The following CELSR1 variants were observed in gnomAD, a reference collection of about 807,000 sequenced individuals.
The protein encoded by CELSR1 is adhesion G protein-coupled receptor C1.
A neutral mutation model predicts 249.1 loss-of-function variants in CELSR1; 110 were observed. The observed-to-expected ratio is 0.44, with a 90% confidence interval of 0.38 to 0.52. The LOEUF (loss-of-function observed/expected upper bound fraction) is 0.52. Among genes scored for constraint, CELSR1 ranks in the 20% least tolerant of loss-of-function variants. CELSR1 has a pLI of 0.00. For missense variants in CELSR1, 4,109 were observed against 4,296.4 expected (o/e 0.96, Z 1.22); for synonymous variants, 2,113 against 1,900.0 (o/e 1.11, Z -2.92).
Position 46,398,962 on chromosome 22 carries a change from C to T in CELSR1, c.5413-325G>A, listed in dbSNP as rs533750679. 4.6e-5 allele frequency among the ~76,000 whole-genome samples: 7 copies of T among 152,176 alleles called. No homozygotes were observed. The highest frequency in any genetic ancestry group is 2.1e-4 in the South Asian group (1 of 4,830). On this transcript the variant is annotated intron_variant, in intron 10 of 34. Coordinates refer to ENST00000674500, the MANE Select transcript of CELSR1 (RefSeq NM_001378328.1). This position sits in a 1 kb window ranked among gnomAD's most constrained non-coding sequence, Gnocchi z 7.2. ...AGCCACGCTGTGACAGAGAGCTTGG[C>T]GAGTCAGGAAGACTGCAGTGAACGG...
Position 46,391,222 on chromosome 22 carries a change from G to A in CELSR1, c.6214C>T (p.Gln2072Ter). 1 of 1,613,558 alleles carries A rather than the reference G, an allele frequency of 6.2e-7. No individual in the cohort carries two copies. Among genetic ancestry groups the A allele is most frequent in the Non-Finnish European group, 8.5e-7 (1 of 1,179,988 alleles). ...TTAGGGCATGGCACCGCAGCCGGCT[G>A]CCCGAACTTGGTCTGTGGCCACCAG... is the stretch of plus-strand genomic sequence containing the variant. ...GIWWPQTKFG[Q>*]PAAVPCPKGS... Residue 2072 changes from glutamine (Q) to a stop codon, truncating the protein, a stop_gained, in exon 16 of 35, where the codon CAG (glutamine) becomes TAG (stop). Coordinates refer to ENST00000674500, the MANE Select transcript of CELSR1 (RefSeq NM_001378328.1). LOFTEE classifies it high-confidence loss of function. This position sits in a 1 kb window ranked among gnomAD's most constrained non-coding sequence, Gnocchi z 4.3.
chr22:46,435,199 G>A (rs1290890585), intron 4 of CELSR1, among the ~76,000 whole-genome samples: 10 of 145,382 alleles, frequency 6.9e-5, no homozygotes, highest in Non-Finnish European at 1.0e-4. Context: ...CAATCTGCCC[G>A]CCTTGGCCTC....
chr22:46,493,641 C>G (rs2080388432), intron 1 of CELSR1, among the ~76,000 whole-genome samples: 1 of 152,104 alleles, frequency 6.6e-6, no homozygotes, highest in African/African-American at 2.4e-5. Flanking sequence ...CCACGATTCC[C>G]ACGTGTTGTG....
chr22:46,384,899 T>G (rs2147231554), intron 19 of CELSR1, among the ~76,000 whole-genome samples: 1 of 149,372 alleles, frequency 6.7e-6, no homozygotes, highest in South Asian at 2.1e-4. Flanking sequence ...AAGCAATATC[T>G]CCTGCCTCAG....
Position 46,429,536 on chromosome 22 carries a change from G to A in CELSR1, c.4611+3857C>T, listed in dbSNP as rs1440116172. 6.6e-6 allele frequency among the ~76,000 whole-genome samples: 1 copy of A among 152,224 alleles called. No homozygotes were observed. Among genetic ancestry groups the A allele is most frequent in the Non-Finnish European group, 1.5e-5 (1 of 68,034 alleles). On this transcript the variant is annotated intron_variant, in intron 5 of 34. Transcript: ENST00000674500. The surrounding 1 kb of genome is among the most constrained non-coding windows in gnomAD (Gnocchi z 4.1). ...TCCTGGAAAAACGTCCGACTCCAATGTACCCTTTGGTTTTGCTGAAGGTGA... is the reference window on the plus strand; with the variant it reads ...TCCTGGAAAAACGTCCGACTCCAATATACCCTTTGGTTTTGCTGAAGGTGA...
At position 46,398,419 on chromosome 22, in the gene CELSR1, G is replaced by A. The variant is rs754658040; in HGVS notation, c.5526+105C>T. 18 of 720,944 alleles carry A rather than the reference G, an allele frequency of 2.5e-5. No homozygotes were observed. Among genetic ancestry groups the A allele is most frequent in the Admixed American group, 1.5e-4 (5 of 32,760 alleles). 44.7% of individuals were successfully genotyped at this position (720,944 alleles called of 1,614,324 possible). On this transcript the variant is annotated intron_variant, in intron 11 of 34. Coordinates refer to ENST00000674500, the MANE Select transcript of CELSR1 (RefSeq NM_001378328.1). The surrounding 1 kb of genome is among the most constrained non-coding windows in gnomAD (Gnocchi z 7.2). Reference sequence around the variant, plus strand: ...TGCCTGTCAGACAAATTCTTCACTCGTTGAAAGCTAACAGGTTGACCAACG... The same window carrying A: ...TGCCTGTCAGACAAATTCTTCACTCATTGAAAGCTAACAGGTTGACCAACG...
At chr22:46,420,920 G>T (rs1160660619) in intron 5 of CELSR1, among the ~76,000 whole-genome samples, 1 of 152,174 alleles carries the variant, frequency 6.6e-6, no homozygotes, top group Non-Finnish European at 1.5e-5. Flanking sequence ...GGGAGAAGGT[G>T]GGGGCCGGGG....
chr22:46,445,593 G>A lies in CELSR1; in HGVS notation c.4184-6182C>T, dbSNP rs1408132633. On this transcript the variant is annotated intron_variant, in intron 2 of 34. Coordinates refer to ENST00000674500, the MANE Select transcript of CELSR1 (RefSeq NM_001378328.1). The surrounding 1 kb of genome is among the most constrained non-coding windows in gnomAD (Gnocchi z 4.4). ...CCCAAACTCATTACATCTGGAAAGA[G>A]CCCATTTCCAACTGAGGTCTCATTC... Among the ~76,000 whole-genome samples, 1 of 152,190 alleles carries A rather than the reference G, an allele frequency of 6.6e-6. No homozygotes were observed. The highest frequency in any genetic ancestry group is 1.5e-5 in the Non-Finnish European group (1 of 68,034).
In CELSR1 at chr22:46,364,750, G is replaced by T; in HGVS notation, c.8555-14C>A. 6.2e-7 allele frequency: 1 copy of T among 1,607,432 alleles called. No homozygotes were observed. Among genetic ancestry groups the T allele is most frequent in the Non-Finnish European group, 8.5e-7 (1 of 1,177,506 alleles). On this transcript the variant is annotated splice_polypyrimidine_tract_variant and intron_variant, in intron 32 of 34. Coordinates refer to ENST00000674500, the MANE Select transcript of CELSR1 (RefSeq NM_001378328.1). ...CCACAGCGTCCCCTGAGGCACGAGA[G>T]CGGTGCTCAGCAGGCAGCGGCACTG...
intron 2 of CELSR1, among the ~76,000 whole-genome samples, chr22:46,449,491 A>T (rs2079858543): frequency 6.6e-6 from 1 of 152,012 alleles, no homozygotes; most frequent in African/African-American, 2.4e-5. Flanking sequence ...TCCATCATTC[A>T]TCCATCTATC....
chr22:46,389,684 G>A (rs964587482), intron 17 of CELSR1, among the ~76,000 whole-genome samples, 185 bp from the exon 18 acceptor site: 7 of 152,254 alleles, frequency 4.6e-5, no homozygotes, highest in African/African-American at 1.7e-4. Context: ...GGGAGGCCAA[G>A]GCGGGTAGAT....
chr22:46,481,608 G>A, intron 1 of CELSR1: 3 of 720,510 alleles, frequency 4.2e-6, no homozygotes, highest in Non-Finnish European at 7.6e-6. Flanking sequence ...GCTCCGTGGA[G>A]GCCTGACTGT....
At chr22:46,369,309 T>C in intron 26 of CELSR1, 51 bp from the exon 27 acceptor site, 1 of 554,056 alleles carries the variant, frequency 1.8e-6, no homozygotes, top group South Asian at 3.7e-5. Context: ...ACTGCAGACC[T>C]CCAACTGCCA....
At chr22:46,418,536 T>C (rs1224393239) in intron 5 of CELSR1, among the ~76,000 whole-genome samples, 1 of 152,152 alleles carries the variant, frequency 6.6e-6, no homozygotes, top group Non-Finnish European at 1.5e-5. Context: ...AATCATAAAG[T>C]TGATTTTTAC....
Position 46,535,616 on chromosome 22 carries a change from T to G in CELSR1, c.1555A>C (p.Ile519Leu), listed in dbSNP as rs1185515793. The G allele has an allele frequency of 2.5e-6, 4 of 1,613,282 alleles. No homozygotes were observed. The highest frequency in any genetic ancestry group is 3.4e-6 in the Non-Finnish European group (4 of 1,180,032). Residue 519 changes from isoleucine to leucine, a missense_variant, in exon 1 of 35, where the codon ATC becomes CTC. Transcript: ENST00000674500. ...LHSLSGILDV[I>L]NPLDFEDVQK... ...ACATCCTCGAAATCCAAGGGGTTGA[T>G]CACATCCAGGATCCCGCTCAGCGAG...
In CELSR1 at chr22:46,488,321, G is replaced by A. The variant is rs936383269; in HGVS notation, c.3545-23976C>T. On this transcript the variant is annotated intron_variant, in intron 1 of 34. Transcript: ENST00000674500. This position sits in a 1 kb window ranked among gnomAD's most constrained non-coding sequence, Gnocchi z 4.7. Reference sequence around the variant, plus strand: ...CTGCCCTCCTGGGGACAGGGGGATGGTCTTGGGGGATGAGAGTCCCACTAA... The same window carrying A: ...CTGCCCTCCTGGGGACAGGGGGATGATCTTGGGGGATGAGAGTCCCACTAA... 7.9e-5 allele frequency among the ~76,000 whole-genome samples: 12 copies of A among 152,066 alleles called. No individual in the cohort carries two copies. The highest frequency in any genetic ancestry group is 2.9e-5 in the Non-Finnish European group (2 of 67,972).
chr22:46,442,296 C>T (rs111581872), intron 2 of CELSR1, among the ~76,000 whole-genome samples: 5 of 152,396 alleles, frequency 3.3e-5, no homozygotes, highest in South Asian at 2.1e-4. Context: ...TTCCGCCTCC[C>T]GGCCCAGTTC....
intron 2 of CELSR1, among the ~76,000 whole-genome samples, chr22:46,461,504 G>T (rs1440163236): frequency 6.6e-6 from 1 of 152,204 alleles, no homozygotes; most frequent in Non-Finnish European, 1.5e-5. Flanking sequence ...GCCTGGACTG[G>T]CGGCCTGGAA....
In CELSR1 at chr22:46,438,504, C is replaced by T. The variant is rs529747452; in HGVS notation, c.4406+685G>A. Among the ~76,000 whole-genome samples the T allele has an allele frequency of 3.9e-5, 6 of 152,326 alleles. No homozygotes were observed. In the East Asian group the frequency reaches 1.2e-3, roughly 29 times the overall value. On this transcript the variant is annotated intron_variant, in intron 3 of 34. Transcript: ENST00000674500. Reference sequence around the variant, plus strand: ...TTAAAGGTATTCCCTACAAAACCCTCGGTGATTTAGGGTCAGCTCTGATGG... The same window carrying T: ...TTAAAGGTATTCCCTACAAAACCCTTGGTGATTTAGGGTCAGCTCTGATGG...
Sources: allele counts gnomAD v4.1 joint callset (sites outside exome capture counted in the v4.1 genomes callset), GRCh38; gene constraint gnomAD v4.1.1; non-coding constraint Gnocchi (gnomAD v3.1); transcripts MANE v1.5; gene names NCBI Gene and HGNC (gene_info 2026-07-23, HGNC 2026-07-21).